FNDC1: variants seen among roughly 807,000 people sequenced by gnomAD.
FNDC1 encodes fibronectin type III domain-containing protein 1.
FNDC1 carries 96 observed loss-of-function variants against 168.0 expected under a neutral mutation model. That is an observed-to-expected ratio of 0.57 (90% CI 0.48 to 0.68). FNDC1 has a LOEUF of 0.68. Among genes scored for constraint, FNDC1 ranks in the 30% least tolerant of loss-of-function variants. The probability of loss-of-function intolerance (pLI) is 0.00; values close to 1 mark genes in which losing one functional copy is unlikely to be tolerated. For synonymous variants in FNDC1, 1,099 were observed against 1,025.9 expected (o/e 1.07, Z -1.36); for missense variants, 2,587 against 2,482.1 (o/e 1.04, Z -0.90).
chr6:159,204,481 T>C (rs1183836832), intron 4 of FNDC1, among the ~76,000 whole-genome samples: 5 of 152,226 alleles, frequency 3.3e-5, no homozygotes, highest in Non-Finnish European at 7.3e-5. Flanking sequence ...CAGACCATAG[T>C]AGACTTTGGA....
rs1263461723 is a variant in FNDC1 at position 159,233,992 on chromosome 6, G to C, written c.3480G>C (p.Glu1160Asp). ...GCAGGGCAGCGCCGGGGAAGTCGGAGCCTCCTTCCAAGCGGCCCCTGTCCT... is the reference window on the plus strand; with the variant it reads ...GCAGGGCAGCGCCGGGGAAGTCGGACCCTCCTTCCAAGCGGCCCCTGTCCT... ...VPSRAAPGKS[E>D]PPSKRPLSSK... is the part of the protein sequence containing the mutation. The change falls in exon 11 of 23, where the codon GAG becomes GAC. Residue 1160 changes from glutamate to aspartate, a missense_variant. Physicochemically the swap from Glu to Asp is conservative, Grantham distance 45 (BLOSUM62 2). Transcript: ENST00000297267. The surrounding 1 kb of genome is among the most constrained non-coding windows in gnomAD (Gnocchi z 4.6). The C allele has an allele frequency of 6.2e-7, 1 of 1,603,560 alleles. No homozygotes were observed. Among genetic ancestry groups the C allele is most frequent in the African/African-American group, 1.3e-5 (1 of 74,766 alleles).
At chr6:159,225,339 GT>G (rs141184653) in intron 7 of FNDC1, among the ~76,000 whole-genome samples, 195 bp from the exon 8 acceptor site, 15,782 of 151,996 alleles carry the variant, frequency 0.1, 987 homozygotes, top group Non-Finnish European at 0.14. Flanking sequence ...ACTAAGCTCT[GT>G]TTTTTTCTCC....
chr6:159,241,180 C>G (rs1367326362), intron 14 of FNDC1: 1 of 152,100 alleles, frequency 6.6e-6, no homozygotes, highest in Non-Finnish European at 1.5e-5. Flanking sequence ...TTGAATTTAC[C>G]TTTGAATTTC....
At chr6:159,268,809 CATCTATCTATTCATCTATCT>C (rs1028682666) in intron 22 of FNDC1, among the ~76,000 whole-genome samples, 3 of 148,172 alleles carry the variant, frequency 2.0e-5, no homozygotes, top group Non-Finnish European at 3.0e-5. Flanking sequence ...TCTATCTATT[CATCTATCTATTCATCTATCT>C]ATCTATCTAT....
At chr6:159,209,066 C>T (rs1032989013) in intron 4 of FNDC1, among the ~76,000 whole-genome samples, 13 of 152,030 alleles carry the variant, frequency 8.6e-5, no homozygotes, top group Non-Finnish European at 1.0e-4. Context: ...AGGCTGGTCC[C>T]GAACTCCCGA....
At chr6:159,236,075 A>G (rs1258509729) in intron 11 of FNDC1, 140 bp from the exon 12 acceptor site, 8 of 594,306 alleles carry the variant, frequency 1.3e-5, no homozygotes, top group Non-Finnish European at 2.4e-5. Context: ...TATCTAATAT[A>G]TTTGAGCTAT....
intron 19 of FNDC1, among the ~76,000 whole-genome samples, chr6:159,262,801 C>T (rs567195392): frequency 6.6e-6 from 1 of 152,302 alleles, no homozygotes; most frequent in Admixed American, 6.5e-5. Context: ...AGGCCCCACC[C>T]TACCCTCTGA....
Position 159,266,133 on chromosome 6 carries a change from C to T in FNDC1, c.5334C>T (p.Tyr1778=), listed in dbSNP as rs779690182. ...IPFAFKHDPS[Y]TDCHGRQYVK... is the part of the protein sequence containing the mutation. ...TCGCTTTCAAACATGATCCCAGCTA[C>T]ACGGACTGCCATGGACGGCAATATG... Residue 1778 remains tyrosine, a synonymous_variant, in exon 21 of 23, where the codon TAC becomes TAT. Coordinates refer to ENST00000297267, the MANE Select transcript of FNDC1 (RefSeq NM_032532.3). The T allele has an allele frequency of 2.5e-6, 4 of 1,613,866 alleles. No individual in the cohort carries two copies. The East Asian group carries it at 6.7e-5, about 27-fold the overall frequency.
chr6:159,232,908 G>A lies in FNDC1; in HGVS notation c.2396G>A (p.Arg799Lys). 1 of 1,612,180 alleles carries A rather than the reference G, an allele frequency of 6.2e-7. No homozygotes were observed. Among genetic ancestry groups the A allele is most frequent in the East Asian group, 2.2e-5 (1 of 44,868 alleles). Residue 799 changes from arginine (R) to lysine (K), a missense_variant, in exon 11 of 23, where the codon AGG (arginine) becomes AAG (lysine). Coordinates refer to ENST00000297267, the MANE Select transcript of FNDC1 (RefSeq NM_032532.3). This position sits in a 1 kb window ranked among gnomAD's most constrained non-coding sequence, Gnocchi z 4.9. ...GACGGCGATAGGGAAGACGGCGGAAGGCAGGCGGAGGCCACGGCCCAGACG... is the reference window on the plus strand; with the variant it reads ...GACGGCGATAGGGAAGACGGCGGAAAGCAGGCGGAGGCCACGGCCCAGACG... ...HGDGDREDGG[R>K]QAEATAQTLR...
Position 159,239,941 on chromosome 6 carries a change from G to A in FNDC1, c.4605G>A (p.Glu1535=). 6.7e-7 allele frequency: 1 copy of A among 1,486,376 alleles called. No homozygotes were observed. The highest frequency in any genetic ancestry group is 9.0e-7 in the Non-Finnish European group (1 of 1,112,360). 92.1% of individuals were successfully genotyped at this position (1,486,376 alleles called of 1,614,324 possible). ...TAATGAGCTCCAATGGGATCCCAGA[G>A]TGCTACGCTGAAGAAGGTAACTGCC... ...NLIMSSNGIP[E]CYAEEDEFSG... The change falls in exon 14 of 23, where the codon GAG becomes GAA. Residue 1535 remains glutamate, a synonymous_variant. Coordinates refer to ENST00000297267, the MANE Select transcript of FNDC1 (RefSeq NM_032532.3).
chr6:159,266,976 A>C (rs1005512674), intron 21 of FNDC1, among the ~76,000 whole-genome samples: 1 of 152,066 alleles, frequency 6.6e-6, no homozygotes, highest in African/African-American at 2.4e-5. Context: ...CGACACAGCA[A>C]ATTTGTTTTT....
chr6:159,221,695 A>G lies in FNDC1; in HGVS notation c.765A>G (p.Ser255=), dbSNP rs1562642807. The change falls in exon 6 of 23, where the codon TCA becomes TCG. Residue 255 remains serine (S), a splice_region_variant and synonymous_variant. Coordinates refer to ENST00000297267, the MANE Select transcript of FNDC1 (RefSeq NM_032532.3). ...CTGCCCTAACAAAGCGAAAGATTTC[A>G]GGTATGTTTCTAAGGATGCATTTGG... is the stretch of plus-strand genomic sequence containing the variant. ...YRAALTKRKI[S]EEDELDVPDD... The G allele has an allele frequency of 8.7e-6, 14 of 1,612,590 alleles. No homozygotes were observed. The highest frequency in any genetic ancestry group is 1.3e-5 in the African/African-American group (1 of 75,020).
chr6:159,233,391 C>A lies in FNDC1; in HGVS notation c.2879C>A (p.Thr960Lys). The A allele has an allele frequency of 6.2e-7, 1 of 1,613,478 alleles. No individual in the cohort carries two copies. The highest frequency in any genetic ancestry group is 1.7e-5 in the Admixed American group (1 of 59,992). The change falls in exon 11 of 23, where the codon ACG becomes AAG. Residue 960 changes from threonine to lysine, a missense_variant. Coordinates refer to ENST00000297267, the MANE Select transcript of FNDC1 (RefSeq NM_032532.3). This position sits in a 1 kb window ranked among gnomAD's most constrained non-coding sequence, Gnocchi z 4.6. ...QDVQQSTDAD[T>K]EGHSPKAQPG... ...GTTCAACAGAGCACAGACGCGGACACGGAGGGTCATTCTCCCAAAGCACAG... is the reference window on the plus strand; with the variant it reads ...GTTCAACAGAGCACAGACGCGGACAAGGAGGGTCATTCTCCCAAAGCACAG...
chr6:159,232,432 T>G lies in FNDC1; in HGVS notation c.1920T>G (p.Asn640Lys), dbSNP rs776809356. Residue 640 changes from asparagine to lysine, a missense_variant, in exon 11 of 23, where the codon AAT (asparagine) becomes AAG (lysine). Coordinates refer to ENST00000297267, the MANE Select transcript of FNDC1 (RefSeq NM_032532.3). The surrounding 1 kb of genome is among the most constrained non-coding windows in gnomAD (Gnocchi z 4.9). ...GTCCTTCCCTGCCTGCCAGCTTGAA[T>G]GACAACGACTTGGTGGACTCAGACG... ...SHRPSLPASL[N>K]DNDLVDSDED... The G allele has an allele frequency of 6.2e-7, 1 of 1,611,900 alleles. No individual in the cohort carries two copies.
intron 4 of FNDC1, among the ~76,000 whole-genome samples, chr6:159,210,765 AGATGC>A (rs1782585551): frequency 6.6e-6 from 1 of 152,194 alleles, no homozygotes; most frequent in Non-Finnish European, 1.5e-5. Flanking sequence ...CAGGGAGTTC[AGATGC>A]AGAGTATGGC....
At chr6:159,176,597 G>A (rs532366793) in intron 1 of FNDC1, among the ~76,000 whole-genome samples, 1 of 152,312 alleles carries the variant, frequency 6.6e-6, no homozygotes, top group East Asian at 1.9e-4. Flanking sequence ...AGGAATATTC[G>A]AGGTGGTTCG....
At chr6:159,258,595 T>G (rs1266395678) in intron 18 of FNDC1, among the ~76,000 whole-genome samples, 2 of 151,990 alleles carry the variant, frequency 1.3e-5, no homozygotes, top group Non-Finnish European at 2.9e-5. Context: ...GGCTCTTGGG[T>G]TGGCCCCACA....
chr6:159,219,934 G>A (rs1782785812), intron 5 of FNDC1, among the ~76,000 whole-genome samples: 2 of 152,140 alleles, frequency 1.3e-5, no homozygotes, highest in African/African-American at 4.8e-5. Flanking sequence ...CAATAGCACC[G>A]AGTAATGAAC....
intron 1 of FNDC1, among the ~76,000 whole-genome samples, chr6:159,179,044 C>T (rs1483039423): frequency 1.3e-5 from 2 of 152,266 alleles, no homozygotes; most frequent in African/African-American, 4.8e-5. Flanking sequence ...CCCTCCCTCA[C>T]CGTCTGCCAT....
Sources: gnomAD v4.1 joint callset for allele counts (sites outside exome capture counted in the v4.1 genomes callset) on GRCh38, gnomAD v4.1.1 for gene constraint, Gnocchi (gnomAD v3.1) non-coding constraint, MANE v1.5 for transcripts, NCBI Gene and HGNC (gene_info 2026-07-23, HGNC 2026-07-21) for gene names.